The following LRP6 variants were observed in gnomAD, a reference collection of about 807,000 sequenced individuals.
LRP6 encodes LDL receptor related protein 6.
Under a neutral mutation model 184.1 loss-of-function variants are expected in LRP6, and 43 were observed. The ratio of observed to expected loss-of-function variants is 0.23; its 90% confidence interval spans 0.18 to 0.30. LRP6 has a LOEUF of 0.30. LRP6 is among the 10% of genes least tolerant of loss of function. The pLI, the probability that LRP6 is intolerant of heterozygous loss-of-function variation, is 1.00. For missense variants in LRP6, 1,571 were observed against 2,005.3 expected (o/e 0.78, Z 4.14); for synonymous variants, 719 against 684.9 (o/e 1.05, Z -0.78).
intron 3 of LRP6, chr12:12,187,521 T>A (rs1011689891): frequency 3.9e-6 from 1 of 258,528 alleles, no homozygotes; most frequent in Non-Finnish European, 7.6e-6. Context: ...ATGAGAAAAA[T>A]CACAGGGGTT....
rs1471386754 is a variant in LRP6, at chr12:12,206,228, G to A, written c.450-2828C>T. ...AGCGACACATGACTATATATAGGAA[G>A]GTAGACCAGACCATGTTACAATTTT... On this transcript the variant is annotated intron_variant, in intron 2 of 22. Coordinates refer to ENST00000261349, the MANE Select transcript of LRP6 (RefSeq NM_002336.3). Among the ~76,000 whole-genome samples, 3 of 152,128 alleles carry A rather than the reference G, an allele frequency of 2.0e-5. No individual in the cohort carries two copies. The East Asian group carries it at 5.8e-4, about 29-fold the overall frequency.
intron 7 of LRP6, among the ~76,000 whole-genome samples, chr12:12,167,413 A>G (rs1056077677): frequency 6.6e-6 from 1 of 152,034 alleles, no homozygotes; most frequent in African/African-American, 2.4e-5. Context: ...GGAGGCCGAG[A>G]CGGGTGGGTC....
At chr12:12,171,906 T>C (rs1591912195) in intron 7 of LRP6, among the ~76,000 whole-genome samples, 1 of 152,232 alleles carries the variant, frequency 6.6e-6, no homozygotes, top group East Asian at 1.9e-4. Context: ...CATATTCCTG[T>C]AAAAGTTTTG....
chr12:12,170,831 A>C (rs1863016658), intron 7 of LRP6, among the ~76,000 whole-genome samples: 1 of 122,490 alleles, frequency 8.2e-6, no homozygotes, highest in Admixed American at 8.1e-5. Context: ...ACACACACAC[A>C]CGTCTTAGAT....
chr12:12,205,786 A>G (rs1037071946), intron 2 of LRP6, among the ~76,000 whole-genome samples: 1 of 152,214 alleles, frequency 6.6e-6, no homozygotes, highest in Non-Finnish European at 1.5e-5. Context: ...CATGGGTCAG[A>G]GCCTTGATTT....
intron 13 of LRP6, 41 bp from the exon 14 acceptor site, chr12:12,149,194 G>GTTATCT: frequency 2.0e-6 from 3 of 1,520,158 alleles, no homozygotes; most frequent in Non-Finnish European, 2.7e-6. Flanking sequence ...AAACTCCAGG[G>GTTATCT]GCAGATAACC....
Position 12,180,240 on chromosome 12 carries a change from C to CTT in LRP6, c.1374-261_1374-260dup, listed in dbSNP as rs35341305. ...CAATAATGAGATTACAGTTTTACTT[C>CTT]TTTTTTTTTTTTTTTTTTTTAAATA... On this transcript the variant is annotated intron_variant, in intron 6 of 22. Coordinates refer to ENST00000261349, the MANE Select transcript of LRP6 (RefSeq NM_002336.3). Among the ~76,000 whole-genome samples the CTT allele has an allele frequency of 0.046, 5,842 of 126,040 alleles. 173 individuals are homozygous for CTT. The highest frequency in any genetic ancestry group is 0.076 in the African/African-American group (2,555 of 33,660). 82.7% of individuals were successfully genotyped at this position (126,040 alleles called of 152,430 possible).
At chr12:12,234,631 G>T (rs1049173031) in intron 2 of LRP6, among the ~76,000 whole-genome samples, 1 of 152,162 alleles carries the variant, frequency 6.6e-6, no homozygotes, top group East Asian at 1.9e-4. Context: ...AGGAGTTTGA[G>T]ACCAGCCTGA....
chr12:12,218,474 C>A (rs1400328700), intron 2 of LRP6, among the ~76,000 whole-genome samples: 1 of 94,026 alleles, frequency 1.1e-5, no homozygotes, highest in Non-Finnish European at 2.2e-5. Context: ...AAGACCCTCT[C>A]TCAATAATAA....
intron 2 of LRP6, among the ~76,000 whole-genome samples, chr12:12,231,940 G>C (rs1417285920): frequency 6.6e-6 from 1 of 151,690 alleles, no homozygotes; most frequent in Non-Finnish European, 1.5e-5. Flanking sequence ...GCTTGAGCTT[G>C]GGAGGCAAAG....
chr12:12,165,024 T>A, intron 8 of LRP6, 55 bp downstream of exon 8: 3 of 1,291,768 alleles, frequency 2.3e-6, no homozygotes, highest in Non-Finnish European at 3.3e-6. Context: ...GCTGACTATC[T>A]CCATCTTTTT....
At chr12:12,247,109 T>C (rs992383437) in intron 1 of LRP6, among the ~76,000 whole-genome samples, 2 of 152,192 alleles carry the variant, frequency 1.3e-5, no homozygotes, top group Admixed American at 6.5e-5. Context: ...CACTGATTTA[T>C]CAGTCCCCAC....
At chr12:12,166,002 C>T (rs574894628) in intron 7 of LRP6, among the ~76,000 whole-genome samples, 1 of 152,206 alleles carries the variant, frequency 6.6e-6, no homozygotes, top group African/African-American at 2.4e-5. Context: ...ACTGTATTCA[C>T]AGTGCATTCA....
intron 1 of LRP6, among the ~76,000 whole-genome samples, 198 bp from the exon 2 acceptor site, chr12:12,244,853 G>A (rs1865147911): frequency 6.6e-6 from 1 of 152,042 alleles, no homozygotes; most frequent in Non-Finnish European, 1.5e-5. Flanking sequence ...ATAGGAAATG[G>A]GGGGAACTAT....
chr12:12,256,843 A>C (rs1026184117), intron 1 of LRP6, among the ~76,000 whole-genome samples: 7 of 152,130 alleles, frequency 4.6e-5, no homozygotes, highest in Non-Finnish European at 8.8e-5. Flanking sequence ...AAAAGCTGAG[A>C]TTCAGAAATA....
intron 3 of LRP6, among the ~76,000 whole-genome samples, chr12:12,197,463 C>A (rs2137028542): frequency 6.6e-6 from 1 of 152,286 alleles, no homozygotes; most frequent in Middle Eastern, 3.4e-3. Context: ...ATCTAGTCCT[C>A]TTCAGTGTTC....
At chr12:12,249,346 C>T (rs1230381990) in intron 1 of LRP6, 5 of 1,143,186 alleles carry the variant, frequency 4.4e-6, no homozygotes, top group African/African-American at 1.5e-5. Flanking sequence ...CCAAAGTTGT[C>T]CTGCAAGAGC....
At chr12:12,232,643 G>A (rs1166474493) in intron 2 of LRP6, among the ~76,000 whole-genome samples, 1 of 146,938 alleles carries the variant, frequency 6.8e-6, no homozygotes, top group Non-Finnish European at 1.5e-5. Context: ...TGAACAACTT[G>A]ATAGAGATTA....
intron 12 of LRP6, among the ~76,000 whole-genome samples, chr12:12,156,017 T>C (rs1285232635): frequency 6.6e-6 from 1 of 152,120 alleles, no homozygotes; most frequent in Admixed American, 6.5e-5. Context: ...TCATGGAGTT[T>C]ATATTCCAAC....
Sources: allele counts gnomAD v4.1 joint callset (sites outside exome capture counted in the v4.1 genomes callset), GRCh38; gene constraint gnomAD v4.1.1; transcripts MANE v1.5; gene names NCBI Gene and HGNC (gene_info 2026-07-23, HGNC 2026-07-21).